Variants in DLGAP1 observed in about 807,000 individuals in gnomAD.
DLGAP1 encodes DLG associated protein 1, also known as disks large-associated protein 1.
DLGAP1 carries 11 observed loss-of-function variants against 90.8 expected under a neutral mutation model. The ratio of observed to expected loss-of-function variants is 0.12; its 90% confidence interval spans 0.08 to 0.20. The LOEUF (loss-of-function observed/expected upper bound fraction) is 0.20. Among genes scored for constraint, DLGAP1 ranks in the 10% least tolerant of loss-of-function variants. The pLI is 1.00. For synonymous variants in DLGAP1, 558 were observed against 540.7 expected (o/e 1.03, Z -0.44); for missense variants, 1,050 against 1,333.8 (o/e 0.79, Z 3.31).
At chr18:4,280,252 C>T (rs1172935005) in intron 1 of DLGAP1, among the ~76,000 whole-genome samples, 1 of 152,154 alleles carries the variant, frequency 6.6e-6, no homozygotes, top group Non-Finnish European at 1.5e-5. Flanking sequence ...AATCTACCCA[C>T]CCTGGCAATT....
intron 7 of DLGAP1, among the ~76,000 whole-genome samples, chr18:3,654,388 C>G (rs1250869884): frequency 6.6e-6 from 1 of 152,186 alleles, no homozygotes; most frequent in Non-Finnish European, 1.5e-5. Flanking sequence ...TAACCTCTAG[C>G]AAAACAATAG....
chr18:4,103,786 T>TTAAA (rs1253153027), intron 2 of DLGAP1, among the ~76,000 whole-genome samples: 1 of 152,170 alleles, frequency 6.6e-6, no homozygotes, highest in African/African-American at 2.4e-5. Context: ...AGGTTTTGTA[T>TTAAA]TAAATATTTT....
At chr18:4,113,327 T>C (rs541626427) in intron 2 of DLGAP1, among the ~76,000 whole-genome samples, 3 of 152,166 alleles carry the variant, frequency 2.0e-5, no homozygotes, top group African/African-American at 7.2e-5. Context: ...TGGTATCTCA[T>C]TGTGGTTTTG....
intron 1 of DLGAP1, among the ~76,000 whole-genome samples, chr18:4,194,939 G>A (rs533264124): frequency 6.6e-6 from 1 of 152,264 alleles, no homozygotes; most frequent in Admixed American, 6.5e-5. Flanking sequence ...GTGGTGAGAT[G>A]TTTGAAATTT....
At chr18:4,137,974 G>A (rs570044161) in intron 2 of DLGAP1, among the ~76,000 whole-genome samples, 5 of 152,138 alleles carry the variant, frequency 3.3e-5, no homozygotes, top group South Asian at 2.1e-4. Context: ...ACCCTGCAAC[G>A]TTACTGAATT....
At chr18:3,987,871 C>A (rs2073874058) in intron 3 of DLGAP1, among the ~76,000 whole-genome samples, 2 of 152,124 alleles carry the variant, frequency 1.3e-5, no homozygotes, top group South Asian at 4.1e-4. Flanking sequence ...TATGTACTTT[C>A]TCTGTGGCTT....
chr18:3,736,132 C>T (rs913988812), intron 6 of DLGAP1, among the ~76,000 whole-genome samples: 1 of 152,114 alleles, frequency 6.6e-6, no homozygotes, highest in African/African-American at 2.4e-5. Context: ...TGTCTGCGGG[C>T]TTCTAGTTTG....
At chr18:4,398,802 C>T (rs2082491526) in intron 1 of DLGAP1, among the ~76,000 whole-genome samples, 1 of 152,070 alleles carries the variant, frequency 6.6e-6, no homozygotes. Flanking sequence ...GTAAGACAAG[C>T]CAGGCTATTC....
intron 1 of DLGAP1, among the ~76,000 whole-genome samples, chr18:4,194,973 A>G (rs1261384004): frequency 6.6e-6 from 1 of 152,210 alleles, no homozygotes. Context: ...GAAATATACA[A>G]TACATTATTG....
At chr18:4,182,546 G>A (rs1227919068) in intron 1 of DLGAP1, among the ~76,000 whole-genome samples, 1 of 151,958 alleles carries the variant, frequency 6.6e-6, no homozygotes, top group South Asian at 2.1e-4. Flanking sequence ...CTTTGTAGAA[G>A]ATCCCACATA....
At chr18:3,835,838 TC>T (rs2068346227) in intron 4 of DLGAP1, among the ~76,000 whole-genome samples, 1 of 152,094 alleles carries the variant, frequency 6.6e-6, no homozygotes, top group African/African-American at 2.4e-5. Context: ...GATTTTTCTC[TC>T]CCTTCTCCCT....
intron 7 of DLGAP1, among the ~76,000 whole-genome samples, chr18:3,709,474 C>T (rs1374315828): frequency 6.6e-6 from 1 of 152,198 alleles, no homozygotes; most frequent in Non-Finnish European, 1.5e-5. Context: ...TTCTCAACAA[C>T]GTACCAGTAG....
At chr18:4,004,061 T>C (rs1389376005) in intron 3 of DLGAP1, among the ~76,000 whole-genome samples, 1 of 152,206 alleles carries the variant, frequency 6.6e-6, no homozygotes, top group Non-Finnish European at 1.5e-5. Context: ...GTCATATAAT[T>C]AAACAAATAA....
chr18:3,971,959 C>G (rs1265948342), intron 3 of DLGAP1, among the ~76,000 whole-genome samples: 1 of 151,976 alleles, frequency 6.6e-6, no homozygotes, highest in Non-Finnish European at 1.5e-5. Context: ...AAGGGAGGAT[C>G]CTGTGAATTA....
At chr18:3,845,345 T>C in intron 4 of DLGAP1, 1 of 1,570,938 alleles carries the variant, frequency 6.4e-7, no homozygotes, top group Non-Finnish European at 8.7e-7. Flanking sequence ...CTCTATGATT[T>C]GCCGATTCTA....
chr18:4,255,447 T>G (rs2078868418), intron 1 of DLGAP1, among the ~76,000 whole-genome samples: 1 of 151,446 alleles, frequency 6.6e-6, no homozygotes, highest in Non-Finnish European at 1.5e-5. Flanking sequence ...TGCAACTCTA[T>G]GTATATACAG....
chr18:4,432,590 G>GTGTGTGTGTGTC (rs72400328), intron 1 of DLGAP1, among the ~76,000 whole-genome samples: 1 of 37,798 alleles, frequency 2.6e-5, no homozygotes, highest in African/African-American at 7.0e-5. Context: ...ACCTCACATA[G>GTGTGTGTGTGTC]TGTGTGTGTG....
At chr18:3,588,467 A>G (rs865906781) in intron 7 of DLGAP1, among the ~76,000 whole-genome samples, 1 of 150,902 alleles carries the variant, frequency 6.6e-6, no homozygotes, top group Non-Finnish European at 1.5e-5. Flanking sequence ...CTCAAAAAAA[A>G]AAAAAGTTAT....
At chr18:4,122,178 T>C (rs2076163396) in intron 2 of DLGAP1, among the ~76,000 whole-genome samples, 1 of 152,302 alleles carries the variant, frequency 6.6e-6, no homozygotes, top group African/African-American at 2.4e-5. Flanking sequence ...GAAAGTTGCA[T>C]AGACACAACC....
Sources: gnomAD v4.1 joint callset for allele counts (sites outside exome capture counted in the v4.1 genomes callset) on GRCh38, gnomAD v4.1.1 for gene constraint, MANE v1.5 for transcripts, NCBI Gene and HGNC (gene_info 2026-07-23, HGNC 2026-07-21) for gene names.